Variants in SEC22A observed in about 807,000 individuals in gnomAD.
SEC22A encodes SEC22 homolog A, vesicle trafficking protein.
Under a neutral mutation model 35.3 loss-of-function variants are expected in SEC22A, and 22 were observed. The ratio of observed to expected loss-of-function variants is 0.62; its 90% confidence interval spans 0.45 to 0.89. The LOEUF (loss-of-function observed/expected upper bound fraction) is 0.89. Among genes scored for constraint, SEC22A ranks in the 40% least tolerant of loss-of-function variants. The probability of loss-of-function intolerance (pLI) is 0.00; values close to 1 mark genes in which losing one functional copy is unlikely to be tolerated. For synonymous variants in SEC22A, 119 were observed against 129.5 expected (o/e 0.92, Z 0.55); for missense variants, 354 against 362.5 (o/e 0.98, Z 0.19).
intron 4 of SEC22A, among the ~76,000 whole-genome samples, chr3:123,228,824 AAAC>A (rs1937262697): frequency 6.6e-6 from 1 of 152,162 alleles, no homozygotes; most frequent in Non-Finnish European, 1.5e-5. Flanking sequence ...TATTTTTAAA[AAAC>A]ACAGTGGAAA....
intron 4 of SEC22A, among the ~76,000 whole-genome samples, chr3:123,240,956 T>A (rs78803209): frequency 0.032 from 4,862 of 151,772 alleles, 106 homozygotes; most frequent in African/African-American, 0.052. Context: ...CTGCTCTGTT[T>A]TGGCTGGTGC....
At chr3:123,220,882 A>ATATATATATATATATATGTCACATG in intron 2 of SEC22A, among the ~76,000 whole-genome samples, 1 of 88,710 alleles carries the variant, frequency 1.1e-5, no homozygotes, top group African/African-American at 5.1e-5. Context: ...ATATATATAC[A>ATATATATATATATATATGTCACATG]TATATATATA....
chr3:123,204,133 A>C (rs148502853), intron 1 of SEC22A, among the ~76,000 whole-genome samples: 2 of 152,356 alleles, frequency 1.3e-5, no homozygotes, highest in East Asian at 3.9e-4. Context: ...TTTGATAAGC[A>C]AATGAACATT....
chr3:123,204,176 A>G (rs538993065), intron 1 of SEC22A, among the ~76,000 whole-genome samples: 1 of 152,370 alleles, frequency 6.6e-6, no homozygotes, highest in South Asian at 2.1e-4. Context: ...ACACACATAC[A>G]TATTTGAATG....
At chr3:123,232,728 C>T (rs1937344466) in intron 4 of SEC22A, among the ~76,000 whole-genome samples, 1 of 152,022 alleles carries the variant, frequency 6.6e-6, no homozygotes. Context: ...ATACTAATAC[C>T]AAAACCAGGC....
intron 6 of SEC22A, among the ~76,000 whole-genome samples, chr3:123,270,825 C>A (rs1215117161): frequency 6.6e-6 from 1 of 152,158 alleles, no homozygotes; most frequent in Non-Finnish European, 1.5e-5. Flanking sequence ...TACTCCCTAT[C>A]CCTTTTTCCT....
At chr3:123,215,272 T>C (rs1937001438) in intron 2 of SEC22A, among the ~76,000 whole-genome samples, 1 of 152,204 alleles carries the variant, frequency 6.6e-6, no homozygotes, top group Non-Finnish European at 1.5e-5. Context: ...TCTTTCTCAT[T>C]TCTACAGTCT....
chr3:123,245,145 C>A (rs577712630), intron 4 of SEC22A, among the ~76,000 whole-genome samples: 17 of 152,028 alleles, frequency 1.1e-4, no homozygotes, highest in Non-Finnish European at 2.4e-4. Flanking sequence ...ATATTTATAG[C>A]CCTAGAACCC....
chr3:123,271,738 C>A lies in SEC22A; in HGVS notation c.*16C>A. 1 of 1,609,574 alleles carries A rather than the reference C, an allele frequency of 6.2e-7. No homozygotes were observed. Among genetic ancestry groups the A allele is most frequent in the Non-Finnish European group, 8.5e-7 (1 of 1,176,036 alleles). ...TGATGTCTGACACCATCCTTCAGAT[C>A]TATTGCCTTGGCTTCAGGGGGATAA... On this transcript the variant is annotated 3_prime_UTR_variant, in exon 7 of 7. Coordinates refer to ENST00000492595, the MANE Select transcript of SEC22A (RefSeq NM_012430.5).
At position 123,225,261 on chromosome 3, in the gene SEC22A, T is replaced by C; in HGVS notation, c.505T>C (p.Ser169Pro). The change falls in exon 4 of 7, where the codon TCT (serine) becomes CCT (proline). Residue 169 changes from serine to proline, a missense_variant. By Grantham distance (74) the Ser-to-Pro change is moderately conservative. Coordinates refer to ENST00000492595, the MANE Select transcript of SEC22A (RefSeq NM_012430.5). Reference protein sequence around the residue: ...GSANGVTSAFSVDCKGAGKIS... With the variant: ...GSANGVTSAFPVDCKGAGKIS... Reference sequence around the variant, plus strand: ...AGCCAATGGAGTCACATCAGCATTTTCTGTTGACTGTAAAGGTGCTGGTAA... The same window carrying C: ...AGCCAATGGAGTCACATCAGCATTTCCTGTTGACTGTAAAGGTGCTGGTAA... The C allele has an allele frequency of 6.2e-7, 1 of 1,612,984 alleles. No homozygotes were observed. The highest frequency in any genetic ancestry group is 1.3e-5 in the African/African-American group (1 of 75,036).
chr3:123,236,523 C>T lies in SEC22A; in HGVS notation c.542-9376C>T, dbSNP rs906220839. On this transcript the variant is annotated intron_variant, in intron 4 of 6. Transcript: ENST00000492595. ...TGGTGCTTTTACCCATTTTGGAGAG[C>T]GTCTCTCCAGCTTTGGTTTACTACC... Among the ~76,000 whole-genome samples, 4 of 152,186 alleles carry T rather than the reference C, an allele frequency of 2.6e-5. No homozygotes were observed. The East Asian group carries it at 5.8e-4, about 22-fold the overall frequency.
intron 5 of SEC22A, among the ~76,000 whole-genome samples, chr3:123,249,031 C>A (rs1937589136): frequency 1.3e-5 from 2 of 152,322 alleles, no homozygotes; most frequent in Middle Eastern, 3.4e-3. Context: ...GTTCCCACAA[C>A]CCCCTCCTTG....
Position 123,271,426 on chromosome 3 carries a change from T to C in SEC22A, c.724-96T>C. 3 of 957,532 alleles carry C rather than the reference T, an allele frequency of 3.1e-6. 1 individual carries two copies. Among genetic ancestry groups the C allele is most frequent in the South Asian group, 3.1e-5 (2 of 65,256 alleles). 59.3% of individuals were successfully genotyped at this position (957,532 alleles called of 1,614,324 possible). The stretch of plus-strand genomic sequence containing the variant: ...GATAAAAAATAACCTTATCCATTCT[T>C]ATATTTTACTCTCTGACCTGTTACA... On this transcript the variant is annotated intron_variant, in intron 6 of 6. Coordinates refer to ENST00000492595, the MANE Select transcript of SEC22A (RefSeq NM_012430.5).
intron 2 of SEC22A, among the ~76,000 whole-genome samples, chr3:123,214,153 C>G (rs1936985199): frequency 6.6e-6 from 1 of 152,130 alleles, no homozygotes; most frequent in African/African-American, 2.4e-5. Flanking sequence ...TGAGATCGTG[C>G]CACTGCACTC....
At chr3:123,222,487 T>C (rs73197536) in intron 2 of SEC22A, among the ~76,000 whole-genome samples, 3 of 152,188 alleles carry the variant, frequency 2.0e-5, no homozygotes, top group Non-Finnish European at 2.9e-5. Flanking sequence ...GCCCCCACCA[T>C]GCCCGGCCTC....
At chr3:123,263,467 C>T (rs1232984466) in intron 6 of SEC22A, among the ~76,000 whole-genome samples, 1 of 152,236 alleles carries the variant, frequency 6.6e-6, no homozygotes, top group African/African-American at 2.4e-5. Context: ...AATACCATCA[C>T]ATTAGGGATT....
At chr3:123,206,893 G>A (rs533549903) in intron 1 of SEC22A, among the ~76,000 whole-genome samples, 33 of 152,310 alleles carry the variant, frequency 2.2e-4, no homozygotes, top group African/African-American at 7.5e-4. Context: ...TTTGAGACCA[G>A]CCTGGCCAAC....
At chr3:123,205,132 T>C (rs991864375) in intron 1 of SEC22A, among the ~76,000 whole-genome samples, 2 of 152,332 alleles carry the variant, frequency 1.3e-5, no homozygotes, top group African/African-American at 2.4e-5. Context: ...GAGAGACAGC[T>C]TAGCCTAAGG....
intron 6 of SEC22A, 30 bp from the exon 7 acceptor site, chr3:123,271,492 A>C: frequency 6.5e-7 from 1 of 1,546,412 alleles, no homozygotes; most frequent in Non-Finnish European, 8.9e-7. Flanking sequence ...CTGTAACCCT[A>C]ATCATCTTTC....
Sources: gnomAD v4.1 joint callset for allele counts (sites outside exome capture counted in the v4.1 genomes callset) on GRCh38, gnomAD v4.1.1 for gene constraint, MANE v1.5 for transcripts, NCBI Gene and HGNC (gene_info 2026-07-23, HGNC 2026-07-21) for gene names.